Variants in RUVBL2 observed in about 807,000 individuals in gnomAD.
RUVBL2 encodes RuvB like AAA ATPase 2, also known as ruvB-like 2.
RUVBL2 carries 9 observed loss-of-function variants against 57.9 expected under a neutral mutation model. The observed-to-expected ratio is 0.16, with a 90% CI of 0.09 to 0.27. The LOEUF is 0.27. Ranked by LOEUF, RUVBL2 falls within the 10% of genes least tolerant of loss-of-function variation. The pLI, the probability that RUVBL2 is intolerant of heterozygous loss-of-function variation, is 1.00. For missense variants in RUVBL2, 456 were observed against 669.6 expected (o/e 0.68, Z 3.52); for synonymous variants, 278 against 264.6 (o/e 1.05, Z -0.49).
chr19:48,999,292 C>T (rs1284871564), intron 1 of RUVBL2, 27 bp from the exon 2 acceptor site: 1 of 1,613,896 alleles, frequency 6.2e-7, no homozygotes, highest in South Asian at 1.1e-5. Context: ...CACACTAGTC[C>T]TCTGACACAT....
In RUVBL2 at chr19:49,015,703, C is replaced by T. The variant is rs759919829; in HGVS notation, c.1366+17C>T. On this transcript the variant is annotated intron_variant, in intron 14 of 14. Transcript: ENST00000595090. ...ACGAACTCAGTAAGAATCCCCACCC[C>T]GCACCTGCACTGCCAGAGCCAACCT... The T allele has an allele frequency of 1.2e-5, 20 of 1,610,940 alleles. No individual in the cohort carries two copies. The highest frequency in any genetic ancestry group is 5.3e-5 in the African/African-American group (4 of 74,862).
chr19:49,001,801 GT>G (rs1555801854), intron 2 of RUVBL2, among the ~76,000 whole-genome samples: 2 of 151,508 alleles, frequency 1.3e-5, no homozygotes, highest in Non-Finnish European at 2.9e-5. Context: ...TAGTAGAGAC[GT>G]GGTTTCACTG....
intron 11 of RUVBL2, among the ~76,000 whole-genome samples, chr19:49,012,886 A>ACACCG (rs2039460494): frequency 1.1e-5 from 1 of 93,848 alleles, no homozygotes. Context: ...CACACACACC[A>ACACCG]CCCCTGGGAC....
At chr19:48,996,890 TG>T (rs2039073115) in intron 1 of RUVBL2, among the ~76,000 whole-genome samples, 1 of 152,084 alleles carries the variant, frequency 6.6e-6, no homozygotes, top group Non-Finnish European at 1.5e-5. Context: ...CTCGAACCCC[TG>T]ACCTCAAGTG....
chr19:49,014,439 A>G (rs2039500247), intron 11 of RUVBL2, 45 bp from the exon 12 acceptor site: 2 of 1,595,378 alleles, frequency 1.3e-6, no homozygotes, highest in South Asian at 1.1e-5. Flanking sequence ...GGGAATGAAG[A>G]GGGAACATGC....
intron 8 of RUVBL2, 174 bp from the exon 9 acceptor site, chr19:49,010,314 G>A (rs962202347): frequency 1.4e-5 from 10 of 723,568 alleles, no homozygotes; most frequent in Non-Finnish European, 2.3e-5. Context: ...CAGCGCTCTG[G>A]AATGTCCCTA....
chr19:49,007,451 G>C, intron 6 of RUVBL2, 83 bp downstream of exon 6: 1 of 1,253,488 alleles, frequency 8.0e-7, no homozygotes, highest in East Asian at 2.4e-5. Context: ...CTGCACTGAG[G>C]TCAGAATCCC....
chr19:48,998,765 C>T (rs529640106), intron 1 of RUVBL2, among the ~76,000 whole-genome samples: 7 of 151,452 alleles, frequency 4.6e-5, no homozygotes, highest in South Asian at 2.1e-4. Flanking sequence ...CAGTGGCTCA[C>T]GCCCATAATC....
At chr19:48,996,890 T>C (rs2039073056) in intron 1 of RUVBL2, among the ~76,000 whole-genome samples, 1 of 152,084 alleles carries the variant, frequency 6.6e-6, no homozygotes, top group African/African-American at 2.4e-5. Flanking sequence ...CTCGAACCCC[T>C]GACCTCAAGT....
At position 49,010,467 on chromosome 19, in the gene RUVBL2, TCCCCCA is replaced by T; in HGVS notation, c.664-15_664-10del. 9 of 1,400,752 alleles carry T rather than the reference TCCCCCA, an allele frequency of 6.4e-6. No homozygotes were observed. Among genetic ancestry groups the T allele is most frequent in the Non-Finnish European group, 7.9e-6 (8 of 1,006,516 alleles). 86.8% of individuals were successfully genotyped at this position (1,400,752 alleles called of 1,614,324 possible). On this transcript the variant is annotated splice_polypyrimidine_tract_variant and intron_variant, in intron 8 of 14. Coordinates refer to ENST00000595090, the MANE Select transcript of RUVBL2 (RefSeq NM_006666.3). ...TTCCCTGCCCTGTCTCCGCCGTTCT[TCCCCCA>T]CCCCCGCCCCATAGACCAAGTTCGT...
chr19:48,996,073 A>C (rs143978467), intron 1 of RUVBL2, among the ~76,000 whole-genome samples: 1 of 151,046 alleles, frequency 6.6e-6, no homozygotes, highest in South Asian at 2.1e-4. Context: ...TTGGGAGACT[A>C]AGGTGGGAGG....
chr19:48,999,872 A>G (rs1490884302), intron 2 of RUVBL2, among the ~76,000 whole-genome samples: 2 of 152,208 alleles, frequency 1.3e-5, no homozygotes, highest in Admixed American at 1.3e-4. Context: ...ACTGATTTTC[A>G]GGACAGCTAA....
chr19:49,009,941 C>G (rs2039374044), intron 7 of RUVBL2, 32 bp from the exon 8 acceptor site: 1 of 1,611,218 alleles, frequency 6.2e-7, no homozygotes, highest in Non-Finnish European at 8.5e-7. Context: ...GGGCCCATTC[C>G]TTTCCTTACC....
chr19:49,004,512 G>A (rs2039247235), intron 4 of RUVBL2, 94 bp downstream of exon 4: 8 of 1,260,206 alleles, frequency 6.3e-6, no homozygotes, highest in Admixed American at 2.1e-5. Flanking sequence ...TTTAACAGAT[G>A]ACCCAAAATG....
intron 1 of RUVBL2, among the ~76,000 whole-genome samples, chr19:48,996,036 G>A (rs547899749): frequency 1.3e-5 from 2 of 151,450 alleles, no homozygotes; most frequent in South Asian, 4.2e-4. Flanking sequence ...GCCAAGTGTG[G>A]TGGGACACAC....
intron 2 of RUVBL2, 52 bp downstream of exon 2, chr19:48,999,425 T>G (rs772272287): frequency 1.8e-5 from 29 of 1,594,616 alleles, no homozygotes; most frequent in Non-Finnish European, 2.4e-5. Context: ...CCATGTGCCC[T>G]GACAGAGCAA....
chr19:49,012,990 A>C (rs2039463041), intron 11 of RUVBL2, among the ~76,000 whole-genome samples: 1 of 150,948 alleles, frequency 6.6e-6, no homozygotes, highest in Non-Finnish European at 1.5e-5. Flanking sequence ...TTTGAGACGG[A>C]GTCTAGCTCT....
intron 3 of RUVBL2, 174 bp from the exon 4 acceptor site, chr19:49,004,103 G>A (rs532029966): frequency 2.6e-5 from 21 of 804,862 alleles, no homozygotes; most frequent in African/African-American, 1.7e-4. Flanking sequence ...GTGACAGAGC[G>A]AGATCTTGTC....
chr19:49,010,467 T>TGGC, intron 8 of RUVBL2, 21 bp from the exon 9 acceptor site: 30 of 1,401,078 alleles, frequency 2.1e-5, no homozygotes, highest in Non-Finnish European at 2.8e-5. Context: ...CCGCCGTTCT[T>TGGC]CCCCCACCCC....
Sources: gnomAD v4.1 joint callset for allele counts (sites outside exome capture counted in the v4.1 genomes callset) on GRCh38, gnomAD v4.1.1 for gene constraint, MANE v1.5 for transcripts, NCBI Gene and HGNC (gene_info 2026-07-23, HGNC 2026-07-21) for gene names.